PDE6D: variants seen among roughly 807,000 people sequenced by gnomAD.
The protein encoded by PDE6D is phosphodiesterase 6D.
A neutral mutation model predicts 21.9 loss-of-function variants in PDE6D; 10 were observed. The observed-to-expected ratio is 0.46, with a 90% CI of 0.28 to 0.78. The LOEUF is 0.78. PDE6D is among the 30% of genes least tolerant of loss of function. The pLI, the probability that PDE6D is intolerant of heterozygous loss-of-function variation, is 0.12. For missense variants in PDE6D, 139 were observed against 184.8 expected, an observed-to-expected ratio of 0.75 and a Z score of 1.44; for synonymous variants, 59 against 63.5, an observed-to-expected ratio of 0.93 and a Z score of 0.34.
At chr2:231,759,178 G>A (rs544612617) in intron 1 of PDE6D, among the ~76,000 whole-genome samples, 18 of 152,020 alleles carry the variant, frequency 1.2e-4, no homozygotes, top group South Asian at 4.2e-4. Flanking sequence ...TTAGCCAGGC[G>A]TGATGGCACA....
At chr2:231,767,049 T>C (rs1440586046) in intron 1 of PDE6D, among the ~76,000 whole-genome samples, 1 of 146,342 alleles carries the variant, frequency 6.8e-6, no homozygotes, top group African/African-American at 2.5e-5. Flanking sequence ...GGTTTTTCAG[T>C]GTCATCTGGG....
chr2:231,737,325 G>C, intron 3 of PDE6D, 33 bp from the exon 4 acceptor site: 1 of 1,196,706 alleles, frequency 8.4e-7, no homozygotes, highest in South Asian at 1.2e-5. Context: ...GGGTGAGCAG[G>C]TGCCCCAGTA....
intron 3 of PDE6D, 128 bp from the exon 4 acceptor site, chr2:231,737,420 C>T (rs2048710520): frequency 1.7e-6 from 1 of 580,990 alleles, no homozygotes; most frequent in Admixed American, 3.0e-5. Flanking sequence ...TCAGCAACCT[C>T]TCAGACCAGG....
intron 1 of PDE6D, among the ~76,000 whole-genome samples, chr2:231,767,393 G>C (rs1033336823): frequency 4.6e-5 from 7 of 151,734 alleles, no homozygotes; most frequent in Non-Finnish European, 1.0e-4. Flanking sequence ...TTGGCTCACT[G>C]CAAGCTCTGC....
chr2:231,755,721 G>T (rs1224343532), intron 1 of PDE6D, among the ~76,000 whole-genome samples: 1 of 152,194 alleles, frequency 6.6e-6, no homozygotes, highest in African/African-American at 2.4e-5. Flanking sequence ...AGGAGTTCCA[G>T]ACCAGCCTGA....
intron 1 of PDE6D, among the ~76,000 whole-genome samples, chr2:231,760,760 C>T (rs2048919160): frequency 6.6e-6 from 1 of 152,178 alleles, no homozygotes; most frequent in Non-Finnish European, 1.5e-5. Context: ...CTAGTGTATT[C>T]CACAGGTCAA....
At chr2:231,771,734 G>A (rs6437035) in intron 1 of PDE6D, among the ~76,000 whole-genome samples, 65,804 of 152,000 alleles carry the variant, frequency 0.43, 16,759 homozygotes, top group African/African-American at 0.71. Flanking sequence ...AGTTGTGTCA[G>A]AAACAAAAAG....
At position 231,743,252 on chromosome 2, in the gene PDE6D, C is replaced by T. The variant is rs915007659; in HGVS notation, c.51-4064G>A. Among the ~76,000 whole-genome samples the T allele has an allele frequency of 3.3e-5, 5 of 151,802 alleles. No homozygotes were observed. In the East Asian group the frequency reaches 5.8e-4, roughly 18 times the overall value. On this transcript the variant is annotated intron_variant, in intron 1 of 4. Transcript: ENST00000287600. The stretch of plus-strand genomic sequence containing the variant: ...CATCTTGGCCAACATGGTGAAACCC[C>T]GTTTCTACTAAAAATACAAGAATTA...
At position 231,732,784 on chromosome 2, in the gene PDE6D, A is replaced by T. The variant is rs1327461941; in HGVS notation, c.*168T>A. The stretch of plus-strand genomic sequence containing the variant: ...AGATGGTGGCTTGGGAAAAAGAGCC[A>T]TCTGGTTACCTACACAGAGCTGGTC... On this transcript the variant is annotated 3_prime_UTR_variant, in exon 5 of 5. Coordinates refer to ENST00000287600, the MANE Select transcript of PDE6D (RefSeq NM_002601.4). The T allele has an allele frequency of 1.7e-6, 1 of 585,570 alleles. No individual in the cohort carries two copies. Among genetic ancestry groups the T allele is most frequent in the Non-Finnish European group, 3.1e-6 (1 of 326,684 alleles). The allele number at this position is 585,570 out of a possible 1,614,324, so 36.3% of individuals were successfully genotyped here. A position where few individuals can be genotyped will look rare whatever the true frequency, so the allele number is the denominator to read the frequency against.
At chr2:231,738,215 C>CTTCTTACAGCTGATTTAGAGAACACT in intron 2 of PDE6D, 77 bp from the exon 3 acceptor site, 2 of 1,335,918 alleles carry the variant, frequency 1.5e-6, no homozygotes, top group African/African-American at 1.5e-5. Flanking sequence ...TTTCTGGGAG[C>CTTCTTACAGCTGATTTAGAGAACACT]TTCTTACAGC....
chr2:231,776,002 A>C (rs1450386180), intron 1 of PDE6D, among the ~76,000 whole-genome samples: 1 of 152,216 alleles, frequency 6.6e-6, no homozygotes, highest in Non-Finnish European at 1.5e-5. Context: ...TCAAATAGGC[A>C]AAACAGTAGA....
intron 1 of PDE6D, among the ~76,000 whole-genome samples, chr2:231,751,141 AC>A (rs2048837116): frequency 6.6e-6 from 1 of 151,760 alleles, no homozygotes; most frequent in South Asian, 2.1e-4. Context: ...TTAAAAATAA[AC>A]ATTTATTTTA....
chr2:231,747,463 C>T (rs1265165288), intron 1 of PDE6D, among the ~76,000 whole-genome samples: 1 of 152,194 alleles, frequency 6.6e-6, no homozygotes, highest in Admixed American at 6.5e-5. Context: ...ATAAAATGTG[C>T]TACAACAGTC....
intron 1 of PDE6D, among the ~76,000 whole-genome samples, chr2:231,776,825 G>A (rs2049061513): frequency 6.6e-6 from 1 of 152,158 alleles, no homozygotes; most frequent in Admixed American, 6.5e-5. Context: ...GAATCATATT[G>A]TTCCCCAAGT....
intron 1 of PDE6D, among the ~76,000 whole-genome samples, chr2:231,746,800 G>T (rs1237169591): frequency 4.6e-5 from 7 of 151,714 alleles, no homozygotes; most frequent in African/African-American, 1.7e-4. Flanking sequence ...GGAGTGAAGG[G>T]GAAAAAAAGA....
chr2:231,759,518 A>G (rs949091709), intron 1 of PDE6D, among the ~76,000 whole-genome samples: 3 of 152,094 alleles, frequency 2.0e-5, no homozygotes, highest in Admixed American at 2.0e-4. Context: ...AAAAAGATCA[A>G]ATGTCTAAAA....
intron 1 of PDE6D, among the ~76,000 whole-genome samples, chr2:231,750,084 G>A (rs1362324213): frequency 6.6e-6 from 1 of 152,076 alleles, no homozygotes; most frequent in Non-Finnish European, 1.5e-5. Context: ...GGTCATTCTC[G>A]TGCTATTCTT....
intron 1 of PDE6D, among the ~76,000 whole-genome samples, chr2:231,748,327 T>G (rs1026313679): frequency 6.6e-6 from 1 of 152,146 alleles, no homozygotes; most frequent in Admixed American, 6.5e-5. Context: ...CTTGTTATGT[T>G]TTAGCAAAGA....
intron 4 of PDE6D, among the ~76,000 whole-genome samples, chr2:231,736,815 C>T (rs2048705931): frequency 6.6e-6 from 1 of 152,172 alleles, no homozygotes; most frequent in African/African-American, 2.4e-5. Flanking sequence ...TCCATGTCAT[C>T]ACATTTTATC....
Sources: gnomAD v4.1 joint callset for allele counts (sites outside exome capture counted in the v4.1 genomes callset) on GRCh38, gnomAD v4.1.1 for gene constraint, MANE v1.5 for transcripts, NCBI Gene and HGNC (gene_info 2026-07-23, HGNC 2026-07-21) for gene names.